The following VRK2 variants were observed in gnomAD, a reference collection of about 807,000 sequenced individuals.
VRK2 encodes serine/threonine-protein kinase VRK2.
VRK2 carries 60 observed loss-of-function variants against 57.6 expected under a neutral mutation model. The ratio of observed to expected loss-of-function variants is 1.04; its 90% CI spans 0.85 to 1.29. The LOEUF (loss-of-function observed/expected upper bound fraction) is 1.29. Ranked by LOEUF, VRK2 falls within the 50% of genes most tolerant of loss-of-function variation. The pLI is 0.00. For missense variants in VRK2, 705 were observed against 588.1 expected (o/e 1.20, Z -2.06); for synonymous variants, 231 against 199.2 (o/e 1.16, Z -1.35).
intron 7 of VRK2, among the ~76,000 whole-genome samples, chr2:58,117,652 T>A (rs1676729360): frequency 6.6e-6 from 1 of 152,104 alleles, no homozygotes; most frequent in Non-Finnish European, 1.5e-5. Flanking sequence ...CATTTGCCCC[T>A]TTTACGACAA....
At chr2:58,065,003 C>T (rs1668425576) in intron 2 of VRK2, among the ~76,000 whole-genome samples, 1 of 151,978 alleles carries the variant, frequency 6.6e-6, no homozygotes, top group South Asian at 2.1e-4. Context: ...TCAAGTCCAC[C>T]TTCCCTTGAA....
intron 1 of VRK2, among the ~76,000 whole-genome samples, chr2:57,955,400 C>T (rs1240176046): frequency 6.6e-6 from 1 of 151,264 alleles, no homozygotes; most frequent in African/African-American, 2.4e-5. Context: ...CTCCCTAAAT[C>T]CCACTGATAA....
At chr2:58,097,658 A>G (rs1285901485) in intron 7 of VRK2, among the ~76,000 whole-genome samples, 13 of 152,162 alleles carry the variant, frequency 8.5e-5, no homozygotes, top group African/African-American at 3.1e-4. Context: ...GGAGCTGGAA[A>G]GTTTCTATTG....
At chr2:58,050,927 C>T (rs2103795603) in intron 2 of VRK2, among the ~76,000 whole-genome samples, 1 of 152,186 alleles carries the variant, frequency 6.6e-6, no homozygotes, top group Non-Finnish European at 1.5e-5. Context: ...CCACTGCAAC[C>T]TCCACCTCCT....
rs373149614 is a variant in VRK2, at chr2:57,909,984, G to A, written c.-439+2145G>A. On this transcript the variant is annotated intron_variant, in intron 1 of 15. Transcript: ENST00000417641. ...GTATTTTAGGAATAAGAAGAAAAAT[G>A]TTTCATCCACATAGTCAATTTATAA... 6.2e-4 allele frequency among the ~76,000 whole-genome samples: 95 copies of A among 152,014 alleles called. 2 individuals carry two copies. The South Asian group carries it at 0.02, about 31-fold the overall frequency.
chr2:58,017,641 T>C (rs1673626098), intron 1 of VRK2, among the ~76,000 whole-genome samples: 1 of 152,122 alleles, frequency 6.6e-6, no homozygotes, highest in South Asian at 2.1e-4. Flanking sequence ...TGTGCTCACA[T>C]TACTATCCTA....
At chr2:57,942,421 C>A (rs1671128344) in intron 1 of VRK2, among the ~76,000 whole-genome samples, 1 of 152,142 alleles carries the variant, frequency 6.6e-6, no homozygotes, top group Admixed American at 6.6e-5. Flanking sequence ...AATTACCTTT[C>A]TTGCACCTGT....
intron 7 of VRK2, among the ~76,000 whole-genome samples, chr2:58,120,916 C>T (rs1677400149): frequency 6.6e-6 from 1 of 152,202 alleles, no homozygotes; most frequent in Non-Finnish European, 1.5e-5. Context: ...TTAAAACTCC[C>T]ACCTTTTGTT....
At chr2:58,022,641 C>T (rs1457950025) in intron 1 of VRK2, among the ~76,000 whole-genome samples, 2 of 152,110 alleles carry the variant, frequency 1.3e-5, no homozygotes, top group Admixed American at 6.5e-5. Flanking sequence ...TTTGGGAGGC[C>T]GAGGTGGGCA....
intron 1 of VRK2, among the ~76,000 whole-genome samples, chr2:57,986,867 G>C (rs1208452018): frequency 6.6e-6 from 1 of 152,058 alleles, no homozygotes; most frequent in African/African-American, 2.4e-5. Flanking sequence ...CCAAAGTGCT[G>C]GGATTACAGG....
At chr2:58,084,238 T>C in intron 3 of VRK2, 100 bp downstream of exon 3, 1 of 1,205,414 alleles carries the variant, frequency 8.3e-7, no homozygotes, top group Non-Finnish European at 1.2e-6. Context: ...TATTGCCTTA[T>C]CAGTAAACCT....
intron 12 of VRK2, chr2:58,154,650 T>C (rs848294): frequency 0.32 from 219,410 of 687,232 alleles, 37,772 homozygotes; most frequent in South Asian, 0.42. Flanking sequence ...TGGGGTCTCT[T>C]TGACCCATTT....
chr2:57,919,822 T>A (rs1670280368), intron 1 of VRK2, among the ~76,000 whole-genome samples: 1 of 152,154 alleles, frequency 6.6e-6, no homozygotes, highest in South Asian at 2.1e-4. Flanking sequence ...AGTCAGTAAT[T>A]TTTTTTTAAA....
At chr2:58,154,155 C>T (rs1683442049) in intron 12 of VRK2, among the ~76,000 whole-genome samples, 1 of 151,974 alleles carries the variant, frequency 6.6e-6, no homozygotes, top group African/African-American at 2.4e-5. Flanking sequence ...TTTGTTTCTT[C>T]CCAGATACTG....
At chr2:58,035,603 T>C (rs1291929873) in intron 3 of VRK2, among the ~76,000 whole-genome samples, 1 of 152,020 alleles carries the variant, frequency 6.6e-6, no homozygotes, top group African/African-American at 2.4e-5. Flanking sequence ...TTCGCACTAT[T>C]GACTCACTCC....
intron 7 of VRK2, among the ~76,000 whole-genome samples, chr2:58,106,233 G>A (rs1314423714): frequency 6.6e-6 from 1 of 151,934 alleles, no homozygotes; most frequent in Non-Finnish European, 1.5e-5. Flanking sequence ...ACTGTAATTG[G>A]AAAGATTTTC....
At chr2:58,046,471 G>A (rs993226845), upstream of VRK2, 1 of 982,866 alleles carries the variant, frequency 1.0e-6, no homozygotes, top group Non-Finnish European at 1.2e-6. Flanking sequence ...CTCAGGTTGT[G>A]GTACAGGAGA....
intron 2 of VRK2, among the ~76,000 whole-genome samples, chr2:58,066,008 T>G (rs1014706618): frequency 2.6e-5 from 4 of 152,174 alleles, no homozygotes; most frequent in African/African-American, 9.6e-5. Flanking sequence ...GGGTTTTCTT[T>G]TGTGGCAGAT....
chr2:58,088,481 A>G (rs946304479), intron 6 of VRK2, 35 bp downstream of exon 6: 1 of 1,429,086 alleles, frequency 7.0e-7, no homozygotes, highest in South Asian at 1.2e-5. Flanking sequence ...TCCATTTCCA[A>G]ATTGTTTACT....
Sources: allele counts gnomAD v4.1 joint callset (sites outside exome capture counted in the v4.1 genomes callset), GRCh38; gene constraint gnomAD v4.1.1; transcripts MANE v1.5; gene names NCBI Gene and HGNC (gene_info 2026-07-23, HGNC 2026-07-21).